The following AIG1 variants were observed in gnomAD, a reference collection of about 807,000 sequenced individuals.
The protein encoded by AIG1 is androgen-induced gene 1 protein.
AIG1 carries 23 observed loss-of-function variants against 31.4 expected under a neutral mutation model. The observed-to-expected ratio is 0.73, with a 90% CI of 0.53 to 1.04. The LOEUF is 1.04. Ranked by LOEUF, AIG1 falls within the 50% of genes least tolerant of loss-of-function variation. The pLI, the probability that AIG1 is intolerant of heterozygous loss-of-function variation, is 0.00. For synonymous variants in AIG1, 100 were observed against 110.5 expected, an observed-to-expected ratio of 0.90 and a Z score of 0.60; for missense variants, 274 against 295.0, an observed-to-expected ratio of 0.93 and a Z score of 0.52.
chr6:143,195,857 G>A (rs1167537569), intron 3 of AIG1, among the ~76,000 whole-genome samples: 1 of 152,176 alleles, frequency 6.6e-6, no homozygotes, highest in Non-Finnish European at 1.5e-5. Flanking sequence ...AAGAAAAGAG[G>A]AGCCTTGCCT....
chr6:143,261,133 CT>C (rs989462232), intron 3 of AIG1, among the ~76,000 whole-genome samples: 2 of 151,170 alleles, frequency 1.3e-5, no homozygotes, highest in South Asian at 4.2e-4. Context: ...ATGAGTAGCT[CT>C]TTTTTTTTCT....
At chr6:143,151,786 G>A (rs2128547442) in intron 2 of AIG1, among the ~76,000 whole-genome samples, 1 of 152,332 alleles carries the variant, frequency 6.6e-6, no homozygotes, top group South Asian at 2.1e-4. Flanking sequence ...ACTCTCCCTA[G>A]AGGCAATAAC....
At chr6:143,060,870 C>G (rs1336299875), upstream of AIG1, 1 of 1,233,444 alleles carries the variant, frequency 8.1e-7, no homozygotes, top group East Asian at 3.5e-5. Context: ...GCGCGCCCGG[C>G]GCCTCCCTCA....
chr6:143,283,406 C>G (rs1410616977), intron 3 of AIG1, among the ~76,000 whole-genome samples: 2 of 152,210 alleles, frequency 1.3e-5, no homozygotes, highest in Non-Finnish European at 2.9e-5. Flanking sequence ...ACCTGCTGCT[C>G]GTGCACACAT....
chr6:143,107,282 C>T (rs573222612), intron 1 of AIG1, among the ~76,000 whole-genome samples: 47 of 152,200 alleles, frequency 3.1e-4, no homozygotes, highest in African/African-American at 1.1e-3. Flanking sequence ...TTAATTTTCA[C>T]ACAAATGAAG....
intron 1 of AIG1, among the ~76,000 whole-genome samples, chr6:143,084,406 G>T (rs890894719): frequency 1.2e-4 from 18 of 152,124 alleles, no homozygotes; most frequent in Non-Finnish European, 2.1e-4. Context: ...CATTTGATTT[G>T]CCCAGCCTTT....
chr6:143,277,135 G>A (rs1214979614), intron 3 of AIG1, among the ~76,000 whole-genome samples: 1 of 152,032 alleles, frequency 6.6e-6, no homozygotes, highest in East Asian at 1.9e-4. Flanking sequence ...CTAATGCAAT[G>A]GGCTTTATTT....
chr6:143,136,653 T>C (rs1480061574), intron 1 of AIG1, among the ~76,000 whole-genome samples, 182 bp from the exon 2 acceptor site: 5 of 152,226 alleles, frequency 3.3e-5, no homozygotes, highest in African/African-American at 7.2e-5. Flanking sequence ...GTTTTAAAGA[T>C]GAACTTTCTG....
intron 3 of AIG1, among the ~76,000 whole-genome samples, chr6:143,237,563 G>C (rs1464768518): frequency 6.6e-6 from 1 of 152,130 alleles, no homozygotes; most frequent in African/African-American, 2.4e-5. Context: ...CCAATATTTA[G>C]TATGCATGTC....
At chr6:143,308,543 T>C (rs1472505277) in intron 4 of AIG1, among the ~76,000 whole-genome samples, 1 of 152,208 alleles carries the variant, frequency 6.6e-6, no homozygotes, top group Non-Finnish European at 1.5e-5. Context: ...AATTGATTAT[T>C]TGAGTTCATA....
Position 143,284,399 on chromosome 6 carries a change from T to C in AIG1, c.515+174T>C, listed in dbSNP as rs544069135. ...GATGCTTATATTTTTAGAAAGTATA[T>C]GCCAAACCTCACACAACAGGAATTT... is the stretch of plus-strand genomic sequence containing the variant. On this transcript the variant is annotated intron_variant, in intron 4 of 5. Transcript: ENST00000357847. This position sits in a 1 kb window ranked among gnomAD's most constrained non-coding sequence, Gnocchi z 4.4. Among the ~76,000 whole-genome samples the C allele has an allele frequency of 6.6e-6, 1 of 152,360 alleles. No individual in the cohort carries two copies. Among genetic ancestry groups the C allele is most frequent in the East Asian group, 1.9e-4 (1 of 5,192 alleles).
intron 3 of AIG1, among the ~76,000 whole-genome samples, chr6:143,178,863 A>C (rs1788447532): frequency 6.6e-6 from 1 of 152,124 alleles, no homozygotes; most frequent in South Asian, 2.1e-4. Flanking sequence ...TGTAAGGATC[A>C]CTCCGTTATG....
chr6:143,327,372 G>A lies in AIG1; in HGVS notation c.516-5910G>A, dbSNP rs183444888. 21 of 281,850 alleles carry A rather than the reference G, an allele frequency of 7.5e-5. No homozygotes were observed. Among genetic ancestry groups the A allele is most frequent in the Admixed American group, 3.8e-4 (8 of 21,308 alleles). 17.5% of individuals were successfully genotyped at this position (281,850 alleles called of 1,614,324 possible). A position where few individuals can be genotyped will look rare whatever the true frequency, so the allele number is the denominator to read the frequency against. ...TGATACACCATCAACATTCACAAGC[G>A]CGTCCATGGAGTGGGCTTCAAGAAG... On this transcript the variant is annotated intron_variant, in intron 4 of 5. Coordinates refer to ENST00000357847, the MANE Select transcript of AIG1 (RefSeq NM_016108.4). This position sits in a 1 kb window ranked among gnomAD's most constrained non-coding sequence, Gnocchi z 5.3.
intron 1 of AIG1, among the ~76,000 whole-genome samples, chr6:143,133,408 G>T (rs1783447397): frequency 1.3e-5 from 2 of 152,080 alleles, no homozygotes. Flanking sequence ...TCCTGAATGA[G>T]CTTTGAGAAT....
chr6:143,282,822 C>T (rs540027179), intron 3 of AIG1, among the ~76,000 whole-genome samples: 30 of 152,322 alleles, frequency 2.0e-4, no homozygotes, highest in South Asian at 1.7e-3. Context: ...TAGATATCCC[C>T]AACATGCCTT....
At chr6:143,277,229 G>A (rs190648477) in intron 3 of AIG1, among the ~76,000 whole-genome samples, 2 of 152,244 alleles carry the variant, frequency 1.3e-5, no homozygotes, top group Non-Finnish European at 2.9e-5. Context: ...GGGGGGGTGA[G>A]AGGAAACAGG....
rs140552274 is a variant in AIG1, at chr6:143,143,204, A to T, written c.297+6214A>T. On this transcript the variant is annotated intron_variant, in intron 2 of 5. Coordinates refer to ENST00000357847, the MANE Select transcript of AIG1 (RefSeq NM_016108.4). ...CTGTTTTGATATTAAGGGGGAAATT[A>T]AAAAAAATAAATTGTTTACCTTATT... is the stretch of plus-strand genomic sequence containing the variant. Among the ~76,000 whole-genome samples the T allele has an allele frequency of 2.6e-3, 397 of 151,780 alleles. 3 individuals carry two copies. The highest frequency in any genetic ancestry group is 0.019 in the East Asian group (97 of 5,154).
At chr6:143,200,394 C>T (rs1790602260) in intron 3 of AIG1, among the ~76,000 whole-genome samples, 1 of 152,142 alleles carries the variant, frequency 6.6e-6, no homozygotes, top group Non-Finnish European at 1.5e-5. Context: ...GTAACAACAG[C>T]TGTATTCCCT....
intron 3 of AIG1, among the ~76,000 whole-genome samples, chr6:143,179,246 G>A (rs1326882473): frequency 6.6e-6 from 1 of 152,150 alleles, no homozygotes; most frequent in African/African-American, 2.4e-5. Flanking sequence ...GATGTTGAGG[G>A]ATTGGGAAAA....
Sources: gnomAD v4.1 joint callset for allele counts (sites outside exome capture counted in the v4.1 genomes callset) on GRCh38, gnomAD v4.1.1 for gene constraint, Gnocchi (gnomAD v3.1) non-coding constraint, MANE v1.5 for transcripts, NCBI Gene and HGNC (gene_info 2026-07-23, HGNC 2026-07-21) for gene names.